The following KDM4B variants were observed in gnomAD, a reference collection of about 807,000 sequenced individuals.
KDM4B encodes the protein lysine-specific demethylase 4B.
In KDM4B, 32 loss-of-function variants were observed where a neutral mutation model predicts 125.2. The observed-to-expected ratio is 0.26, with a 90% CI of 0.19 to 0.34. KDM4B has a LOEUF of 0.34. Among genes scored for constraint, KDM4B ranks in the 10% least tolerant of loss-of-function variants. The probability of loss-of-function intolerance (pLI) is 1.00; values close to 1 mark genes in which losing one functional copy is unlikely to be tolerated. For synonymous variants in KDM4B, 721 were observed against 677.9 expected (o/e 1.06, Z -0.99); for missense variants, 1,190 against 1,577.7 (o/e 0.75, Z 4.16).
At chr19:5,028,271 T>C (rs1167519234) in intron 2 of KDM4B, among the ~76,000 whole-genome samples, 1 of 152,206 alleles carries the variant, frequency 6.6e-6, no homozygotes, top group East Asian at 1.9e-4. Context: ...GCCACTGCAC[T>C]GGCCACAGTC....
chr19:5,038,113 A>T (rs537256498), intron 3 of KDM4B, among the ~76,000 whole-genome samples: 4 of 152,328 alleles, frequency 2.6e-5, no homozygotes, highest in African/African-American at 9.6e-5. Flanking sequence ...TTCCTGGCAG[A>T]TGAGCCGAAG....
rs183289202 is a variant in KDM4B at position 5,142,451 on chromosome 19, G to A, written c.2551-1516G>A. Among the ~76,000 whole-genome samples the A allele has an allele frequency of 3.5e-4, 54 of 152,294 alleles. No homozygotes were observed. The East Asian group carries it at 5.4e-3, about 15-fold the overall frequency. On this transcript the variant is annotated intron_variant, in intron 18 of 22. Transcript: ENST00000159111. This position sits in a 1 kb window ranked among gnomAD's most constrained non-coding sequence, Gnocchi z 5.4. Reference sequence around the variant, plus strand: ...TCCTGACAAATGGTCCCATGGGTCCGGGGGCACGCTTTTCACAACGTGGAG... The same window carrying A: ...TCCTGACAAATGGTCCCATGGGTCCAGGGGCACGCTTTTCACAACGTGGAG...
At chr19:5,134,526 A>T (rs1012144033) in intron 14 of KDM4B, among the ~76,000 whole-genome samples, 3 of 152,152 alleles carry the variant, frequency 2.0e-5, no homozygotes, top group African/African-American at 7.2e-5. Context: ...CTGCACCCAG[A>T]TGGGGAGCTG....
In KDM4B at chr19:5,041,203, T is replaced by C. The variant is rs1568249749; in HGVS notation, c.384T>C (p.Phe128=). Residue 128 remains phenylalanine, a synonymous_variant, in exon 5 of 23, where the codon TTT becomes TTC. Transcript: ENST00000159111. Reference sequence around the variant, plus strand: ...GCAAATACTGGAAGAACCTCACCTTTGTCTCCCCGATCTACGGGGCTGACA... The same window carrying C: ...GCAAATACTGGAAGAACCTCACCTTCGTCTCCCCGATCTACGGGGCTGACA... ...LERKYWKNLT[F]VSPIYGADIS... 1 of 1,613,306 alleles carries C rather than the reference T, an allele frequency of 6.2e-7. No homozygotes were observed. Among genetic ancestry groups the C allele is most frequent in the African/African-American group, 1.3e-5 (1 of 75,054 alleles).
chr19:5,039,802 G>A (rs1324834731), intron 3 of KDM4B, 34 bp from the exon 4 acceptor site: 1 of 1,603,302 alleles, frequency 6.2e-7, no homozygotes, highest in East Asian at 2.2e-5. Flanking sequence ...CTGAGGGTCT[G>A]AGGGTGCCAC....
rs144446349 is a variant in KDM4B, at chr19:5,047,441, CG to C, written c.433-32del. 1.1e-3 allele frequency: 1,769 copies of C among 1,566,652 alleles called. 22 individuals are homozygous for C. The African/African-American group carries it at 0.022, about 19-fold the overall frequency. On this transcript the variant is annotated intron_variant, in intron 5 of 22. Transcript: ENST00000159111. ...AGGGCTCGCAGGTTCTGGGGGTGGCCGGGCGGTTGCCGACGCTGCTCTGCCG... is the reference window on the plus strand; with the variant it reads ...AGGGCTCGCAGGTTCTGGGGGTGGCCGGCGGTTGCCGACGCTGCTCTGCCG...
chr19:5,112,771 T>C (rs1050247486), intron 10 of KDM4B: 2 of 152,426 alleles, frequency 1.3e-5, no homozygotes, highest in African/African-American at 4.8e-5. Context: ...CCTGCCAAGG[T>C]GAATCTGTCT....
At chr19:5,122,449 C>T (rs2039378559) in intron 11 of KDM4B, among the ~76,000 whole-genome samples, 1 of 152,206 alleles carries the variant, frequency 6.6e-6, no homozygotes, top group South Asian at 2.1e-4. Flanking sequence ...TGGGGTCATT[C>T]CTCTGCCTGC....
intron 9 of KDM4B, among the ~76,000 whole-genome samples, chr19:5,103,236 G>A (rs1384192569): frequency 2.0e-5 from 3 of 152,208 alleles, no homozygotes; most frequent in Admixed American, 6.5e-5. Flanking sequence ...GGCACCACAC[G>A]AGCCAATTTC....
intron 21 of KDM4B, among the ~76,000 whole-genome samples, chr19:5,146,816 G>C (rs370672383): frequency 4.1e-5 from 6 of 146,484 alleles, no homozygotes; most frequent in African/African-American, 1.5e-4. Flanking sequence ...TAGTGTGCGC[G>C]TGTAGTCTCA....
chr19:5,018,801 G>A (rs2035969816), intron 2 of KDM4B, among the ~76,000 whole-genome samples: 1 of 152,196 alleles, frequency 6.6e-6, no homozygotes, highest in African/African-American at 2.4e-5. Context: ...TCATAGAAAT[G>A]GGATCGCGCA....
chr19:4,993,529 A>G (rs1166525480), intron 1 of KDM4B, among the ~76,000 whole-genome samples: 2 of 151,486 alleles, frequency 1.3e-5, no homozygotes, highest in African/African-American at 4.8e-5. Flanking sequence ...TTAGATGCAT[A>G]TATGTTTATA....
At chr19:4,985,343 A>G (rs561538637) in intron 1 of KDM4B, among the ~76,000 whole-genome samples, 2 of 152,308 alleles carry the variant, frequency 1.3e-5, no homozygotes, top group East Asian at 3.9e-4. Flanking sequence ...AAAATCAGCA[A>G]TGACAGTGAA....
In KDM4B at chr19:5,082,720, C is replaced by T. The variant is rs1220487337; in HGVS notation, c.918+216C>T. 6.6e-6 allele frequency among the ~76,000 whole-genome samples: 1 copy of T among 152,208 alleles called. No homozygotes were observed. The highest frequency in any genetic ancestry group is 1.5e-5 in the Non-Finnish European group (1 of 68,032). ...AGAGGAGGTGGGCAGGTCGGGTGGA[C>T]GATGGTGGCCCAGGGCCCATCTCCA... On this transcript the variant is annotated intron_variant, in intron 9 of 22. Transcript: ENST00000159111. This position sits in a 1 kb window ranked among gnomAD's most constrained non-coding sequence, Gnocchi z 5.4.
intron 10 of KDM4B, 58 bp from the exon 11 acceptor site, chr19:5,119,595 G>C: frequency 2.7e-6 from 4 of 1,484,348 alleles, no homozygotes; most frequent in Non-Finnish European, 3.7e-6. Flanking sequence ...AGAGTGCACA[G>C]ACCTAGGGCT....
At chr19:5,138,320 G>C (rs181413014) in intron 18 of KDM4B, 1 of 531,320 alleles carries the variant, frequency 1.9e-6, no homozygotes, top group African/African-American at 1.9e-5. Flanking sequence ...GGCCCCGTCA[G>C]GTGTGGCCTT....
chr19:5,007,006 C>T (rs961091626), intron 1 of KDM4B, among the ~76,000 whole-genome samples: 6 of 151,538 alleles, frequency 4.0e-5, no homozygotes, highest in African/African-American at 9.7e-5. Context: ...GCTCACGAGG[C>T]GGGGCGGGGG....
intron 6 of KDM4B, among the ~76,000 whole-genome samples, chr19:5,053,271 C>T (rs942796978): frequency 8.5e-5 from 13 of 152,218 alleles, no homozygotes; most frequent in African/African-American, 2.9e-4. Context: ...AGAGCCGCTG[C>T]GGTGCCCTGG....
At position 5,131,437 on chromosome 19, in the gene KDM4B, G is replaced by T. The variant is rs549759229; in HGVS notation, c.1677G>T (p.Pro559=). 6 of 1,610,074 alleles carry T rather than the reference G, an allele frequency of 3.7e-6. No homozygotes were observed. The Admixed American group carries it at 5.0e-5, about 13-fold the overall frequency. ...QAFEHFAQKG[P]TWKEPVSPME... ...TTGAGCACTTTGCCCAGAAGGGTCC[G>T]ACCTGGAAGGAACCAGTTTCCCCCA... The change falls in exon 12 of 23, where the codon CCG becomes CCT. Residue 559 remains proline (P), a synonymous_variant. Transcript: ENST00000159111.
Sources: gnomAD v4.1 joint callset for allele counts (sites outside exome capture counted in the v4.1 genomes callset) on GRCh38, gnomAD v4.1.1 for gene constraint, Gnocchi (gnomAD v3.1) non-coding constraint, MANE v1.5 for transcripts, NCBI Gene and HGNC (gene_info 2026-07-23, HGNC 2026-07-21) for gene names.